Variants in TEP1 observed in about 807,000 individuals in gnomAD.
The protein encoded by TEP1 is telomerase associated protein 1.
Under a neutral mutation model 306.3 loss-of-function variants are expected in TEP1, and 241 were observed. The observed-to-expected ratio is 0.79, with a 90% confidence interval of 0.71 to 0.88. The LOEUF is 0.88. TEP1 is among the 40% of genes least tolerant of loss of function. The probability of loss-of-function intolerance (pLI) is 0.00; values close to 1 mark genes in which losing one functional copy is unlikely to be tolerated. For synonymous variants in TEP1, 1,289 were observed against 1,305.5 expected (o/e 0.99, Z 0.27); for missense variants, 3,051 against 3,276.1 (o/e 0.93, Z 1.68).
intron 41 of TEP1, among the ~76,000 whole-genome samples, chr14:20,377,020 A>T (rs1285876800): frequency 6.6e-6 from 1 of 152,152 alleles, no homozygotes; most frequent in Non-Finnish European, 1.5e-5. Context: ...GTTCGAGACC[A>T]GCATGACCAA....
rs1878682998 is a variant in TEP1, at chr14:20,401,038, C to G, written c.1495G>C (p.Glu499Gln). 1 of 1,614,100 alleles carries G rather than the reference C, an allele frequency of 6.2e-7. No individual in the cohort carries two copies. Among genetic ancestry groups the G allele is most frequent in the Non-Finnish European group, 8.5e-7 (1 of 1,180,050 alleles). ...RMKLSRPETW[E>Q]RELSLRGNKA... ...TTCCCCCGTAGGCTCAGCTCCCGCT[C>G]CCAGGTCTCTGGCCTAGACAGCTTC... Residue 499 changes from glutamate (E) to glutamine (Q), a missense_variant, in exon 9 of 55, where the codon GAG becomes CAG. This residue lies in a region of TEP1 where 1,507 missense variants were observed against 1,550.5 expected (regional missense o/e 0.97). Coordinates refer to ENST00000262715, the MANE Select transcript of TEP1 (RefSeq NM_007110.5).
At position 20,381,408 on chromosome 14, in the gene TEP1, G is replaced by A; in HGVS notation, c.4559-7C>T. On this transcript the variant is annotated splice_polypyrimidine_tract_variant and splice_region_variant and intron_variant, in intron 31 of 54. Coordinates refer to ENST00000262715, the MANE Select transcript of TEP1 (RefSeq NM_007110.5). This position sits in a 1 kb window ranked among gnomAD's most constrained non-coding sequence, Gnocchi z 4.0. ...CATGTCTTCCAGAGCTGAGCTGCAT[G>A]AACAGATATTGAGAAAGGCTCAGCC... is the stretch of plus-strand genomic sequence containing the variant. 2 of 1,614,046 alleles carry A rather than the reference G, an allele frequency of 1.2e-6. No homozygotes were observed. The highest frequency in any genetic ancestry group is 2.2e-5 in the South Asian group (2 of 91,072).
rs759460543 is a variant in TEP1, at chr14:20,378,375, C to A, written c.5508+5G>T. The A allele has an allele frequency of 6.2e-7, 1 of 1,614,250 alleles. No homozygotes were observed. The highest frequency in any genetic ancestry group is 8.5e-7 in the Non-Finnish European group (1 of 1,180,038). On this transcript the variant is annotated splice_donor_5th_base_variant and intron_variant, in intron 38 of 54. Transcript: ENST00000262715. ...TCCCCCAAGAGCAACACTGGACCTT[C>A]TTACCTTGGTGACTTTGAGCCCATC...
rs150130034 is a variant in TEP1 at position 20,373,319 on chromosome 14, G to A, written c.6765C>T (p.Thr2255=). 1,104 of 1,614,168 alleles carry A rather than the reference G, an allele frequency of 6.8e-4. 7 individuals carry two copies. Among genetic ancestry groups the A allele is most frequent in the South Asian group, 6.2e-3 (566 of 91,080 alleles). Residue 2255 remains threonine (T), a synonymous_variant, in exon 47 of 55, where the codon ACC becomes ACT. Transcript: ENST00000262715. Reference sequence around the variant, plus strand: ...GCCGTACAGAACCATCCTCAGAGGCGGTCAGCATGAGGCCTGAGGTTTCTG... The same window carrying A: ...GCCGTACAGAACCATCCTCAGAGGCAGTCAGCATGAGGCCTGAGGTTTCTG... ...AVSETSGLML[T]ASEDGSVRLW... is the part of the protein sequence containing the mutation.
At chr14:20,396,097 G>A in intron 10 of TEP1, 148 bp from the exon 11 acceptor site, 2 of 523,750 alleles carry the variant, frequency 3.8e-6, no homozygotes, top group South Asian at 3.6e-5. Flanking sequence ...TAAGAAGAAA[G>A]AAAAAAGTCA....
intron 53 of TEP1, 58 bp downstream of exon 53, chr14:20,369,286 G>A: frequency 6.4e-7 from 1 of 1,571,164 alleles, no homozygotes; most frequent in East Asian, 2.2e-5. Context: ...GGGATTATAG[G>A]TGTGAGCCAC....
rs1425852034 is a variant in TEP1 at position 20,368,492 on chromosome 14, A to G, written c.7829T>C (p.Leu2610Pro). ...CTGCACGTCTCCCACGGCAAGCTGC[A>G]GGGTGGAGTTAGCGCCCAGCCAAGG... ...LEPWLGANSTLQLAVGDVQGN... is the reference protein window; with the variant it reads ...LEPWLGANSTPQLAVGDVQGN... Residue 2610 changes from leucine to proline, a missense_variant, in exon 55 of 55, where the codon CTG (leucine) becomes CCG (proline). Transcript: ENST00000262715. 6.2e-7 allele frequency: 1 copy of G among 1,614,184 alleles called. No homozygotes were observed. Among genetic ancestry groups the G allele is most frequent in the Admixed American group, 1.7e-5 (1 of 60,016 alleles).
At chr14:20,369,653 G>A (rs1884704761) in intron 52 of TEP1, 21 bp downstream of exon 52, 1 of 1,613,192 alleles carries the variant, frequency 6.2e-7, no homozygotes. Context: ...CGGCTCCTCA[G>A]GTCCTCCTGT....
chr14:20,395,640 A>G lies in TEP1; in HGVS notation c.1751-13T>C. On this transcript the variant is annotated splice_polypyrimidine_tract_variant and intron_variant, in intron 11 of 54. Transcript: ENST00000262715. ...GGAAAGGGCAATGCTGTATGATGAC[A>G]GGTAAATTTCCGAGTTAGGCAGCTT... 1.3e-6 allele frequency: 2 copies of G among 1,587,832 alleles called. No homozygotes were observed. The highest frequency in any genetic ancestry group is 1.7e-6 in the Non-Finnish European group (2 of 1,158,966).
rs571214437 is a variant in TEP1, at chr14:20,374,743, A to G, written c.6364-207T>C. Among the ~76,000 whole-genome samples the G allele has an allele frequency of 3.3e-5, 5 of 152,284 alleles. No homozygotes were observed. The East Asian group carries it at 9.6e-4, about 29-fold the overall frequency. ...TGGGTTTCCCAACTATTTAATGAGTATAATGATAATGTACCTATCTGATAT... is the reference window on the plus strand; with the variant it reads ...TGGGTTTCCCAACTATTTAATGAGTGTAATGATAATGTACCTATCTGATAT... On this transcript the variant is annotated intron_variant, in intron 43 of 54. Transcript: ENST00000262715.
chr14:20,409,401 C>G (rs1012095421), intron 1 of TEP1, among the ~76,000 whole-genome samples: 6 of 152,310 alleles, frequency 3.9e-5, no homozygotes, highest in Non-Finnish European at 8.8e-5. Context: ...CTATGTGGCT[C>G]CAAATGACAT....
At position 20,381,506 on chromosome 14, in the gene TEP1, G is replaced by C; in HGVS notation, c.4558+47C>G. The C allele has an allele frequency of 1.2e-6, 2 of 1,612,778 alleles. No individual in the cohort carries two copies. Among genetic ancestry groups the C allele is most frequent in the Non-Finnish European group, 1.7e-6 (2 of 1,180,008 alleles). ...CACAGTGGGTGGTCCTGGCCTCCAG[G>C]CCCAAGCCCCACACTCAGTGCCCAG... On this transcript the variant is annotated intron_variant, in intron 31 of 54. Coordinates refer to ENST00000262715, the MANE Select transcript of TEP1 (RefSeq NM_007110.5). This position sits in a 1 kb window ranked among gnomAD's most constrained non-coding sequence, Gnocchi z 4.0.
chr14:20,381,701 G>C lies in TEP1; in HGVS notation c.4425-15C>G. The C allele has an allele frequency of 6.3e-7, 1 of 1,583,944 alleles. No individual in the cohort carries two copies. Among genetic ancestry groups the C allele is most frequent in the East Asian group, 2.2e-5 (1 of 44,504 alleles). Reference sequence around the variant, plus strand: ...CCCCTAGCAAACTGTCCTCGTGTGAGGAAGGGAGAGAGAAGAAGGAAGAGG... The same window carrying C: ...CCCCTAGCAAACTGTCCTCGTGTGACGAAGGGAGAGAGAAGAAGGAAGAGG... On this transcript the variant is annotated splice_polypyrimidine_tract_variant and intron_variant, in intron 30 of 54. Coordinates refer to ENST00000262715, the MANE Select transcript of TEP1 (RefSeq NM_007110.5). The surrounding 1 kb of genome is among the most constrained non-coding windows in gnomAD (Gnocchi z 4.0).
rs76466486 is a variant in TEP1, at chr14:20,396,622, G to A, written c.1658C>T (p.Ala553Val). ...TGGCTACCAGCCCCTCACACATACCGCATGCTGGAGTCTCTGGAGAATGAG... is the reference window on the plus strand; with the variant it reads ...TGGCTACCAGCCCCTCACACATACCACATGCTGGAGTCTCTGGAGAATGAG... ...HELILQRLQH[A>V]KSVIHSRQFP... The change falls in exon 10 of 55, where the codon GCG becomes GTG. Residue 553 changes from alanine to valine, a missense_variant and splice_region_variant. Physicochemically the swap from Ala to Val is moderately conservative, Grantham distance 64. Coordinates refer to ENST00000262715, the MANE Select transcript of TEP1 (RefSeq NM_007110.5). 1.2e-5 allele frequency: 20 copies of A among 1,604,520 alleles called. No homozygotes were observed. Among genetic ancestry groups the A allele is most frequent in the Middle Eastern group, 1.7e-4 (1 of 6,024 alleles).
chr14:20,403,977 C>T (rs1878968058), intron 5 of TEP1, 93 bp from the exon 6 acceptor site: 5 of 1,535,776 alleles, frequency 3.3e-6, no homozygotes, highest in Middle Eastern at 1.7e-4. Flanking sequence ...CACGAGAGCA[C>T]AGAGTAGCGA....
intron 7 of TEP1, among the ~76,000 whole-genome samples, 200 bp downstream of exon 7, chr14:20,403,177 A>T (rs1248180277): frequency 6.6e-6 from 1 of 151,764 alleles, no homozygotes; most frequent in African/African-American, 2.4e-5. Context: ...AAAAAAAAAA[A>T]AAAATACAAT....
At position 20,378,553 on chromosome 14, in the gene TEP1, G is replaced by T; in HGVS notation, c.5353-18C>A. On this transcript the variant is annotated intron_variant, in intron 37 of 54. Coordinates refer to ENST00000262715, the MANE Select transcript of TEP1 (RefSeq NM_007110.5). ...TCCCACAGCTGAGGGAGAGAGAGGA[G>T]GAATCAGGATGCTGAAGAGAGATGC... The T allele has an allele frequency of 1.2e-6, 2 of 1,614,102 alleles. No homozygotes were observed. The highest frequency in any genetic ancestry group is 4.5e-5 in the East Asian group (2 of 44,880).
intron 44 of TEP1, 132 bp from the exon 45 acceptor site, chr14:20,373,942 T>C: frequency 1.6e-6 from 2 of 1,234,612 alleles, no homozygotes; most frequent in African/African-American, 3.0e-5. Flanking sequence ...TCAGGAACAG[T>C]GGGGTTGGGT....
Position 20,373,055 on chromosome 14 carries a change from C to G in TEP1, c.6907G>C (p.Glu2303Gln). Residue 2303 changes from glutamate to glutamine, a missense_variant, in exon 48 of 55, where the codon GAA (glutamate) becomes CAA (glutamine). This residue lies in a region of TEP1 where 1,540 missense variants were observed against 1,705.9 expected (regional missense o/e 0.90). Transcript: ENST00000262715. ...SMAVSGNQAG[E>Q]LILWQEAKAV... ...TTAGCTTCCTGCCACAAGATTAGTT[C>G]CCCAGCTTGATTTCCAGATACTGCC... 6.2e-7 allele frequency: 1 copy of G among 1,614,186 alleles called. No homozygotes were observed. Among genetic ancestry groups the G allele is most frequent in the Non-Finnish European group, 8.5e-7 (1 of 1,180,042 alleles).
Sources: allele counts gnomAD v4.1 joint callset (sites outside exome capture counted in the v4.1 genomes callset), GRCh38; gene constraint gnomAD v4.1.1; regional missense constraint gnomAD v4.1.1; non-coding constraint Gnocchi (gnomAD v3.1); transcripts MANE v1.5; gene names NCBI Gene and HGNC (gene_info 2026-07-23, HGNC 2026-07-21).